The following ROR2 variants were observed in gnomAD, a reference collection of about 807,000 sequenced individuals.
The protein encoded by ROR2 is tyrosine-protein kinase transmembrane receptor ROR2.
ROR2 carries 33 observed loss-of-function variants against 74.9 expected under a neutral mutation model. The observed-to-expected ratio is 0.44, with a 90% CI of 0.33 to 0.59. The LOEUF is 0.59. Ranked by LOEUF, ROR2 falls within the 20% of genes least tolerant of loss-of-function variation. The pLI is 0.02. For synonymous variants in ROR2, 586 were observed against 558.7 expected (o/e 1.05, Z -0.69); for missense variants, 1,216 against 1,313.8 (o/e 0.93, Z 1.15).
In ROR2 at chr9:91,724,203, G is replaced by A; in HGVS notation, c.2291C>T (p.Ala764Val). The change falls in exon 9 of 9, where the codon GCC (alanine) becomes GTC (valine). Residue 764 changes from alanine to valine, a missense_variant. Physicochemically the swap from Ala to Val is moderately conservative, Grantham distance 64 (BLOSUM62 0). Coordinates refer to ENST00000375708, the MANE Select transcript of ROR2 (RefSeq NM_004560.4). ...NYNSSAQTSG[A>V]SNTTQTSSLS... Reference sequence around the variant, plus strand: ...GGAGCTGGTCTGCGTGGTGTTGCTGGCCCCCGAGGTCTGCGCCGAGCTGTT... The same window carrying A: ...GGAGCTGGTCTGCGTGGTGTTGCTGACCCCCGAGGTCTGCGCCGAGCTGTT... The A allele has an allele frequency of 6.2e-7, 1 of 1,612,990 alleles. No individual in the cohort carries two copies.
At chr9:91,808,221 G>A (rs551478025) in intron 1 of ROR2, among the ~76,000 whole-genome samples, 76 of 152,288 alleles carry the variant, frequency 5.0e-4, no homozygotes, top group African/African-American at 1.8e-3. Flanking sequence ...AGTGTCTTAA[G>A]AGTTTTTGCC....
intron 1 of ROR2, among the ~76,000 whole-genome samples, chr9:91,885,289 C>T (rs919856322): frequency 6.6e-6 from 1 of 151,972 alleles, no homozygotes; most frequent in Non-Finnish European, 1.5e-5. Flanking sequence ...TAAAAAGGAG[C>T]CTTTGTTGAA....
chr9:91,897,574 G>A (rs1830566422), intron 1 of ROR2, among the ~76,000 whole-genome samples: 1 of 147,224 alleles, frequency 6.8e-6, no homozygotes, highest in Non-Finnish European at 1.5e-5. Context: ...GGGTGGGGGG[G>A]TATTCCAGGT....
intron 1 of ROR2, among the ~76,000 whole-genome samples, chr9:91,838,604 G>A (rs907386728): frequency 2.6e-5 from 4 of 152,184 alleles, no homozygotes; most frequent in Non-Finnish European, 5.9e-5. Context: ...ACTGGGGAAT[G>A]GGTCCCTCAC....
chr9:91,792,304 TA>T (rs766843004), intron 1 of ROR2, among the ~76,000 whole-genome samples: 3,959 of 146,318 alleles, frequency 0.027, 206 homozygotes, highest in African/African-American at 0.095. Flanking sequence ...AAGTTGGTTC[TA>T]TTTTTTTTTT....
chr9:91,949,035 G>A (rs1041084803), intron 1 of ROR2: 3 of 690,766 alleles, frequency 4.3e-6, no homozygotes, highest in Non-Finnish European at 5.3e-6. Context: ...GCAGGGACTC[G>A]GGGGAAGTGG....
intron 1 of ROR2, among the ~76,000 whole-genome samples, chr9:91,853,107 T>C (rs1829163825): frequency 6.6e-6 from 1 of 152,306 alleles, no homozygotes; most frequent in South Asian, 2.1e-4. Flanking sequence ...GGAGACTGGC[T>C]GGGGACTGGG....
chr9:91,897,370 T>C (rs1024667715), intron 1 of ROR2, among the ~76,000 whole-genome samples: 10 of 152,350 alleles, frequency 6.6e-5, no homozygotes, highest in African/African-American at 2.2e-4. Flanking sequence ...AAGAAGGTGA[T>C]CCAGGTCTTC....
At chr9:91,906,076 G>A (rs1412254558) in intron 1 of ROR2, among the ~76,000 whole-genome samples, 2 of 151,728 alleles carry the variant, frequency 1.3e-5, no homozygotes, top group African/African-American at 2.4e-5. Context: ...TAAACTCAGA[G>A]GGTTTTTAAA....
At chr9:91,880,605 G>A (rs989165999) in intron 1 of ROR2, among the ~76,000 whole-genome samples, 6 of 152,222 alleles carry the variant, frequency 3.9e-5, no homozygotes, top group Admixed American at 3.9e-4. Flanking sequence ...TGCCACCTCA[G>A]CCAGTCAATC....
At chr9:91,778,225 C>T (rs954117855) in intron 1 of ROR2, among the ~76,000 whole-genome samples, 1 of 152,238 alleles carries the variant, frequency 6.6e-6, no homozygotes, top group African/African-American at 2.4e-5. Flanking sequence ...GCCACCACAA[C>T]GGATGTTGCA....
intron 2 of ROR2, among the ~76,000 whole-genome samples, chr9:91,772,788 C>A (rs1015936089): frequency 2.0e-5 from 3 of 152,042 alleles, no homozygotes; most frequent in South Asian, 2.1e-4. Flanking sequence ...ACAACAACAA[C>A]AAAAAAGTCA....
In ROR2 at chr9:91,833,290, G is replaced by A. The variant is rs183298592; in HGVS notation, c.98-57472C>T. Among the ~76,000 whole-genome samples, 7 of 152,196 alleles carry A rather than the reference G, an allele frequency of 4.6e-5. No individual in the cohort carries two copies. In the East Asian group the frequency reaches 7.7e-4, roughly 17 times the overall value. On this transcript the variant is annotated intron_variant, in intron 1 of 8. Transcript: ENST00000375708. ...CGACGCATCCACGCTGGGCTCCAGC[G>A]TCCTGCTCTGCACTTCTGCAACAGG...
intron 1 of ROR2, among the ~76,000 whole-genome samples, chr9:91,790,443 G>A (rs1356732657): frequency 6.6e-6 from 1 of 151,492 alleles, no homozygotes; most frequent in Non-Finnish European, 1.5e-5. Flanking sequence ...CTGGGAGAAG[G>A]AGACTGCAGT....
chr9:91,789,898 T>TA (rs1321827723), intron 1 of ROR2, among the ~76,000 whole-genome samples: 7 of 151,756 alleles, frequency 4.6e-5, no homozygotes, highest in South Asian at 4.2e-4. Flanking sequence ...AGAATGGATT[T>TA]AAAAAAAACA....
intron 4 of ROR2, among the ~76,000 whole-genome samples, chr9:91,738,033 G>C (rs888072268): frequency 5.9e-5 from 9 of 152,272 alleles, no homozygotes; most frequent in Admixed American, 3.3e-4. Context: ...GACACACTGG[G>C]GTTTTAGGGC....
intron 1 of ROR2, among the ~76,000 whole-genome samples, chr9:91,789,576 A>G (rs890725151): frequency 6.6e-6 from 1 of 152,220 alleles, no homozygotes; most frequent in Non-Finnish European, 1.5e-5. Flanking sequence ...GGGAAGCAAG[A>G]TATTTTGCAG....
intron 1 of ROR2, among the ~76,000 whole-genome samples, chr9:91,924,992 G>A (rs562399585): frequency 1.1e-4 from 16 of 152,002 alleles, no homozygotes; most frequent in Admixed American, 8.5e-4. Flanking sequence ...TCACAGGCAC[G>A]AGCCACCACA....
intron 1 of ROR2, among the ~76,000 whole-genome samples, chr9:91,836,891 T>C (rs372850207): frequency 6.6e-6 from 1 of 152,278 alleles, no homozygotes; most frequent in African/African-American, 2.4e-5. Context: ...CCATTCAGTC[T>C]GTCTGCTATA....
Sources: allele counts gnomAD v4.1 joint callset (sites outside exome capture counted in the v4.1 genomes callset), GRCh38; gene constraint gnomAD v4.1.1; transcripts MANE v1.5; gene names NCBI Gene and HGNC (gene_info 2026-07-23, HGNC 2026-07-21).